SHANK1: variants seen among roughly 807,000 people sequenced by gnomAD.
SHANK1 encodes SH3 and multiple ankyrin repeat domains 1.
A neutral mutation model predicts 165.6 loss-of-function variants in SHANK1; 35 were observed. The observed-to-expected ratio is 0.21, with a 90% CI of 0.16 to 0.28. The LOEUF (loss-of-function observed/expected upper bound fraction) is 0.28. Among genes scored for constraint, SHANK1 ranks in the 10% least tolerant of loss-of-function variants. SHANK1 has a pLI of 1.00. For missense variants in SHANK1, 2,681 were observed against 3,036.4 expected (o/e 0.88, Z 2.75); for synonymous variants, 1,428 against 1,384.8 (o/e 1.03, Z -0.69).
chr19:50,691,973 C>A (rs1599858114), intron 15 of SHANK1, among the ~76,000 whole-genome samples: 1 of 152,154 alleles, frequency 6.6e-6, no homozygotes, highest in Non-Finnish European at 1.5e-5. Flanking sequence ...GCATGAGTTG[C>A]CACACCCAGC....
Position 50,668,757 on chromosome 19 carries a change from C to T in SHANK1, c.3203G>A (p.Gly1068Asp). The T allele has an allele frequency of 3.9e-6, 5 of 1,276,554 alleles. No individual in the cohort carries two copies. The highest frequency in any genetic ancestry group is 4.9e-6 in the Non-Finnish European group (5 of 1,018,444). 79.1% of individuals were successfully genotyped at this position (1,276,554 alleles called of 1,614,324 possible). Reference protein sequence around the residue: ...TPGAPSPSHHGSAGGGGGSSQ... With the variant: ...TPGAPSPSHHDSAGGGGGSSQ... ...GGAGCCGCCGCCCCCGCCCGCGCTG[C>T]CGTGGTGCGATGGGGACGGGGCCCC... Residue 1068 changes from glycine (G) to aspartate (D), a missense_variant, in exon 23 of 24, where the codon GGC becomes GAC. Transcript: ENST00000293441.
At position 50,666,466 on chromosome 19, in the gene SHANK1, A is replaced by T. The variant is rs540106306; in HGVS notation, c.5494T>A (p.Ser1832Thr). 1 of 1,605,044 alleles carries T rather than the reference A, an allele frequency of 6.2e-7. No individual in the cohort carries two copies. The highest frequency in any genetic ancestry group is 1.1e-5 in the South Asian group (1 of 90,328). The change falls in exon 23 of 24, where the codon TCT becomes ACT. Residue 1832 changes from serine (S) to threonine (T), a missense_variant. By Grantham distance (58) the Ser-to-Thr change is moderately conservative. Around this residue, in one of 10 missense-constraint regions of SHANK1, gnomAD observed 1,713 missense variants for 1,630.2 expected, o/e 1.05. Coordinates refer to ENST00000293441, the MANE Select transcript of SHANK1 (RefSeq NM_016148.5). The part of the protein sequence containing the change: ...VPPVPLPTAS[S>T]LPRKLLPWEE... ...CAGGGCAGCAGCTTCCGGGGCAGAGAGGAGGCCGTCGGCAAGGGCACCGGT... is the reference window on the plus strand; with the variant it reads ...CAGGGCAGCAGCTTCCGGGGCAGAGTGGAGGCCGTCGGCAAGGGCACCGGT...
chr19:50,705,214 C>T (rs546040544), intron 8 of SHANK1, among the ~76,000 whole-genome samples: 6 of 151,420 alleles, frequency 4.0e-5, no homozygotes, highest in Non-Finnish European at 7.4e-5. Flanking sequence ...TGGTGGTGGG[C>T]GTGTGTAATC....
chr19:50,662,685 G>T lies in SHANK1; in HGVS notation c.5769-3C>A. On this transcript the variant is annotated splice_region_variant and splice_polypyrimidine_tract_variant and intron_variant, in intron 23 of 23. Transcript: ENST00000293441. The surrounding 1 kb of genome is among the most constrained non-coding windows in gnomAD (Gnocchi z 7.7). ...AGGACTGGGAGTCGTCGGAGAGTCT[G>T]GAATGTGACAAGGGGGCAGTGGGGG... 3 of 1,560,224 alleles carry T rather than the reference G, an allele frequency of 1.9e-6. No individual in the cohort carries two copies. Among genetic ancestry groups the T allele is most frequent in the Non-Finnish European group, 2.6e-6 (3 of 1,152,098 alleles).
Position 50,661,461 on chromosome 19 carries a change from G to A in SHANK1, c.*504C>T, listed in dbSNP as rs1042045286. Among the ~76,000 whole-genome samples the A allele has an allele frequency of 6.6e-6, 1 of 151,520 alleles. No individual in the cohort carries two copies. The highest frequency in any genetic ancestry group is 6.6e-5 in the Admixed American group (1 of 15,232). On this transcript the variant is annotated 3_prime_UTR_variant, in exon 24 of 24. Transcript: ENST00000293441. ...GAGAGGTGAGCAGGCGTGCAACGGAGCGTGCAAGAGGCTGAGGGGGGCAGC... is the reference window on the plus strand; with the variant it reads ...GAGAGGTGAGCAGGCGTGCAACGGAACGTGCAAGAGGCTGAGGGGGGCAGC...
chr19:50,687,377 G>C (rs571179224), intron 19 of SHANK1, among the ~76,000 whole-genome samples: 19 of 152,192 alleles, frequency 1.2e-4, no homozygotes, highest in African/African-American at 4.3e-4. Context: ...CGGAGAAACA[G>C]ATACAAGAGC....
chr19:50,703,281 G>A (rs947697613), intron 11 of SHANK1, among the ~76,000 whole-genome samples: 1 of 152,154 alleles, frequency 6.6e-6, no homozygotes, highest in South Asian at 2.1e-4. Flanking sequence ...CTCTGCCTGG[G>A]GCCCCTGTCC....
In SHANK1 at chr19:50,688,788, AG is replaced by A. The variant is rs1332642468; in HGVS notation, c.2172+55del. 3.8e-5 allele frequency: 60 copies of A among 1,560,526 alleles called. No individual in the cohort carries two copies. The highest frequency in any genetic ancestry group is 5.1e-5 in the Non-Finnish European group (58 of 1,147,536). On this transcript the variant is annotated intron_variant, in intron 17 of 23. Coordinates refer to ENST00000293441, the MANE Select transcript of SHANK1 (RefSeq NM_016148.5). The surrounding 1 kb of genome is among the most constrained non-coding windows in gnomAD (Gnocchi z 6.7). ...CAGCCAGATCCTGGTGTGAATCATG[AG>A]GGGGTCTGGGAACTTGTCACAGGGT... is the stretch of plus-strand genomic sequence containing the variant.
At chr19:50,684,836 G>A (rs1004304593) in intron 21 of SHANK1, among the ~76,000 whole-genome samples, 2 of 152,096 alleles carry the variant, frequency 1.3e-5, no homozygotes, top group African/African-American at 4.8e-5. Context: ...AAAATCCACC[G>A]CCAATGTCTA....
chr19:50,697,174 C>T lies in SHANK1; in HGVS notation c.1938-52G>A. On this transcript the variant is annotated intron_variant, in intron 14 of 23. Coordinates refer to ENST00000293441, the MANE Select transcript of SHANK1 (RefSeq NM_016148.5). This position sits in a 1 kb window ranked among gnomAD's most constrained non-coding sequence, Gnocchi z 4.7. ...AGGGAGGGGAAAGGTGTCAGTGCAC[C>T]CATCTCCTCACCCCAATCCCACCCA... The T allele has an allele frequency of 6.2e-7, 1 of 1,613,918 alleles. No individual in the cohort carries two copies. Among genetic ancestry groups the T allele is most frequent in the African/African-American group, 1.3e-5 (1 of 75,022 alleles).
chr19:50,703,911 T>A (rs1282059158), intron 10 of SHANK1, 81 bp from the exon 11 acceptor site: 2 of 672,422 alleles, frequency 3.0e-6, no homozygotes, highest in Non-Finnish European at 4.8e-6. Context: ...CAAGAGATGG[T>A]GGGAGAGAGG....
chr19:50,660,667 C>T lies in SHANK1; in HGVS notation c.*1298G>A, dbSNP rs73932547. Among the ~76,000 whole-genome samples the T allele has an allele frequency of 3.3e-3, 442 of 135,040 alleles. 3 individuals carry two copies. The highest frequency in any genetic ancestry group is 0.012 in the African/African-American group (423 of 34,068). The allele number at this position is 135,040 out of a possible 152,430, so 88.6% of individuals were successfully genotyped here. On this transcript the variant is annotated 3_prime_UTR_variant, in exon 24 of 24. Transcript: ENST00000293441. Reference sequence around the variant, plus strand: ...TGCGGTGTGCAGCCATGTCATGGTGCGCAAGAACATTATTAAAGGGGAGAA... The same window carrying T: ...TGCGGTGTGCAGCCATGTCATGGTGTGCAAGAACATTATTAAAGGGGAGAA...
At chr19:50,689,043 C>A (rs1986455433) in intron 16 of SHANK1, 75 bp from the exon 17 acceptor site, 2 of 1,218,466 alleles carry the variant, frequency 1.6e-6, no homozygotes, top group Non-Finnish European at 1.2e-6. Flanking sequence ...GGCTCAGACC[C>A]AAGTCACGGA....
At chr19:50,696,873 G>A (rs1986757937) in intron 15 of SHANK1, among the ~76,000 whole-genome samples, 1 of 152,120 alleles carries the variant, frequency 6.6e-6, no homozygotes, top group South Asian at 2.1e-4. Context: ...AGCCACAAAG[G>A]CACCAGTATA....
chr19:50,660,190 G>A lies in SHANK1; in HGVS notation c.*1775C>T, dbSNP rs547820166. Among the ~76,000 whole-genome samples the A allele has an allele frequency of 1.2e-3, 164 of 131,624 alleles. No homozygotes were observed. Among genetic ancestry groups the A allele is most frequent in the African/African-American group, 3.9e-3 (153 of 39,302 alleles). 86.4% of individuals were successfully genotyped at this position (131,624 alleles called of 152,430 possible). A position where few individuals can be genotyped will look rare whatever the true frequency, so the allele number is the denominator to read the frequency against. On this transcript the variant is annotated 3_prime_UTR_variant, in exon 24 of 24. Coordinates refer to ENST00000293441, the MANE Select transcript of SHANK1 (RefSeq NM_016148.5). Reference sequence around the variant, plus strand: ...GGGGAGGGGGCTTTTCAGGGGGAGGGGTGGCTTAACATTCCCAAGCCCCGG... The same window carrying A: ...GGGGAGGGGGCTTTTCAGGGGGAGGAGTGGCTTAACATTCCCAAGCCCCGG...
chr19:50,698,905 C>T (rs1276141342), intron 12 of SHANK1, among the ~76,000 whole-genome samples: 1 of 152,216 alleles, frequency 6.6e-6, no homozygotes, highest in Non-Finnish European at 1.5e-5. Flanking sequence ...ATGACTCTGC[C>T]CCCATTCAGC....
chr19:50,668,374 AGCCGCC>A lies in SHANK1; in HGVS notation c.3580_3585del (p.Gly1194_Gly1195del), dbSNP rs752183166. ...ATGGCCGGGGCGGGGCTGGGCGAGG[AGCCGCC>A]GCCGCCGCCGCCTCCCGTGGGCTCC... On this transcript the variant is annotated inframe_deletion, in exon 23 of 24. Coordinates refer to ENST00000293441, the MANE Select transcript of SHANK1 (RefSeq NM_016148.5). The A allele has an allele frequency of 1.7e-5, 21 of 1,269,034 alleles. No individual in the cohort carries two copies. Among genetic ancestry groups the A allele is most frequent in the African/African-American group, 3.1e-5 (2 of 64,150 alleles). 78.6% of individuals were successfully genotyped at this position (1,269,034 alleles called of 1,614,324 possible). A position where few individuals can be genotyped will look rare whatever the true frequency, so the allele number is the denominator to read the frequency against.
chr19:50,666,922 T>C lies in SHANK1; in HGVS notation c.5038A>G (p.Ser1680Gly). ...GTDSGIEEVD[S>G]RSSSDHPLET... ...AGTGGGTGGTCACTGCTGCTCCGAC[T>C]GTCCACCTCCTCGATGCCAGAATCC... is the stretch of plus-strand genomic sequence containing the variant. Residue 1680 changes from serine (S) to glycine (G), a missense_variant, in exon 23 of 24, where the codon AGT becomes GGT. Physicochemically the swap from Ser to Gly is moderately conservative, Grantham distance 56. Transcript: ENST00000293441. The C allele has an allele frequency of 6.2e-7, 1 of 1,602,228 alleles. No homozygotes were observed. The highest frequency in any genetic ancestry group is 2.3e-5 in the East Asian group (1 of 44,426).
Position 50,702,531 on chromosome 19 carries a change from A to G in SHANK1, c.1683T>C (p.Ala561=). The G allele has an allele frequency of 1.2e-6, 2 of 1,613,278 alleles. No homozygotes were observed. The highest frequency in any genetic ancestry group is 1.1e-5 in the South Asian group (1 of 91,046). ...YSAVPGRSFM[A]VKSYQAQAEG... is the part of the protein sequence containing the mutation. ...CGGCTTGGGCCTGGTAGGACTTCAC[A>G]GCCATGAAGGAGCGTCCGGGTACCG... The change falls in exon 12 of 24, where the codon GCT becomes GCC. Residue 561 remains alanine (A), a synonymous_variant. Coordinates refer to ENST00000293441, the MANE Select transcript of SHANK1 (RefSeq NM_016148.5). The surrounding 1 kb of genome is among the most constrained non-coding windows in gnomAD (Gnocchi z 5.3).
Sources: gnomAD v4.1 joint callset for allele counts (sites outside exome capture counted in the v4.1 genomes callset) on GRCh38, gnomAD v4.1.1 for gene constraint, gnomAD v4.1.1 regional missense constraint, Gnocchi (gnomAD v3.1) non-coding constraint, MANE v1.5 for transcripts, NCBI Gene and HGNC (gene_info 2026-07-23, HGNC 2026-07-21) for gene names.